The following MRPL4 variants were observed in gnomAD, a reference collection of about 807,000 sequenced individuals.
MRPL4 encodes the protein large ribosomal subunit protein uL4m.
Under a neutral mutation model 34.1 loss-of-function variants are expected in MRPL4, and 34 were observed. The observed-to-expected ratio is 1.00, with a 90% CI of 0.76 to 1.33. MRPL4 has a LOEUF of 1.33. Ranked by LOEUF, MRPL4 falls within the 40% of genes most tolerant of loss-of-function variation. The probability of loss-of-function intolerance (pLI) is 0.00; values close to 1 mark genes in which losing one functional copy is unlikely to be tolerated. For missense variants in MRPL4, 402 were observed against 434.6 expected (o/e 0.92, Z 0.67); for synonymous variants, 196 against 188.3 (o/e 1.04, Z -0.33).
In MRPL4 at chr19:10,258,455, G is replaced by T; in HGVS notation, c.595G>T (p.Asp199Tyr). ...IMDSLELPTGDPQYLTELAHY... is the reference protein window; with the variant it reads ...IMDSLELPTGYPQYLTELAHY... Reference sequence around the variant, plus strand: ...GGACTCCCTAGAGCTGCCCACCGGAGACCCACAGTACCTGACAGAGCTGGC... The same window carrying T: ...GGACTCCCTAGAGCTGCCCACCGGATACCCACAGTACCTGACAGAGCTGGC... The change falls in exon 7 of 9, where the codon GAC becomes TAC. Residue 199 changes from aspartate (D) to tyrosine (Y), a missense_variant. Transcript: ENST00000253099. 6.2e-7 allele frequency: 1 copy of T among 1,614,090 alleles called. No individual in the cohort carries two copies. The highest frequency in any genetic ancestry group is 8.5e-7 in the Non-Finnish European group (1 of 1,180,022).
chr19:10,256,694 C>T lies in MRPL4; in HGVS notation c.328-14C>T, dbSNP rs1267273945. On this transcript the variant is annotated splice_polypyrimidine_tract_variant and intron_variant, in intron 4 of 8. Coordinates refer to ENST00000253099, the MANE Select transcript of MRPL4 (RefSeq NM_015956.3). ...GCCTCGTGGACCTGACCCCCCTCCT[C>T]TTTGTGCCTCCAGAGCTATGCCAAG... 6.2e-7 allele frequency: 1 copy of T among 1,610,440 alleles called. No individual in the cohort carries two copies. Among genetic ancestry groups the T allele is most frequent in the South Asian group, 1.1e-5 (1 of 90,980 alleles).
Position 10,252,215 on chromosome 19 carries a change from G to T in MRPL4, c.-39G>T. On this transcript the variant is annotated 5_prime_UTR_variant, in exon 1 of 9. Transcript: ENST00000253099. ...TCCAGCGGCGCCTCGCGAGGCTCCA[G>T]TGGCCTTGACCTCCCGCGGCGTGGG... 1 of 1,558,512 alleles carries T rather than the reference G, an allele frequency of 6.4e-7. No homozygotes were observed. The highest frequency in any genetic ancestry group is 8.6e-7 in the Non-Finnish European group (1 of 1,156,574).
upstream of MRPL4, chr19:10,252,153 T>G: frequency 1.4e-6 from 2 of 1,382,436 alleles, no homozygotes; most frequent in Non-Finnish European, 1.9e-6. Context: ...CAGCGCGGAG[T>G]CGCGGCGGGT....
chr19:10,253,470 C>CAAAAAAAAA (rs571009042), intron 3 of MRPL4, among the ~76,000 whole-genome samples: 1 of 103,018 alleles, frequency 9.7e-6, no homozygotes. Flanking sequence ...CACTCTGTCT[C>CAAAAAAAAA]AAAAAAAAAA....
chr19:10,253,765 C>G (rs1042008998), intron 3 of MRPL4, among the ~76,000 whole-genome samples: 12 of 150,098 alleles, frequency 8.0e-5, no homozygotes, highest in Admixed American at 7.4e-4. Context: ...GCACTCCAGC[C>G]TGGGCGACAG....
At chr19:10,255,188 G>A (rs2039838250) in intron 4 of MRPL4, 1 of 152,496 alleles carries the variant, frequency 6.6e-6, no homozygotes, top group African/African-American at 2.4e-5. Flanking sequence ...GGACAAAACA[G>A]GCAAGGTCCG....
chr19:10,259,233 C>T, intron 8 of MRPL4: 1 of 1,323,552 alleles, frequency 7.6e-7, no homozygotes, highest in Admixed American at 3.7e-5. Context: ...CCCTCGCTGG[C>T]TTCCCCACCT....
intron 5 of MRPL4, 124 bp downstream of exon 5, chr19:10,256,949 A>G (rs2039858512): frequency 1.3e-6 from 1 of 758,492 alleles, no homozygotes; most frequent in Non-Finnish European, 2.0e-6. Context: ...CCTCCACCTC[A>G]TGGAACCACC....
At chr19:10,257,675 T>C (rs935894699) in intron 5 of MRPL4, among the ~76,000 whole-genome samples, 2 of 152,002 alleles carry the variant, frequency 1.3e-5, no homozygotes, top group Admixed American at 6.6e-5. Context: ...CACCGGAGCA[T>C]GTGCCTGATG....
At chr19:10,259,544 G>T in intron 8 of MRPL4, 73 bp from the exon 9 acceptor site, 1 of 1,537,454 alleles carries the variant, frequency 6.5e-7, no homozygotes. Flanking sequence ...AAGGGACTCC[G>T]ATGTGGGTGG....
intron 7 of MRPL4, 33 bp downstream of exon 7, chr19:10,258,555 C>G (rs1599254511): frequency 6.2e-7 from 1 of 1,614,048 alleles, no homozygotes; most frequent in Non-Finnish European, 8.5e-7. Context: ...GGGCAGGGGG[C>G]CCTGAGCTCC....
chr19:10,252,811 A>T lies in MRPL4; in HGVS notation c.275+110A>T, dbSNP rs1482099583. 3 of 1,398,812 alleles carry T rather than the reference A, an allele frequency of 2.1e-6. No individual in the cohort carries two copies. The African/African-American group carries it at 4.3e-5, about 20-fold the overall frequency. The allele number at this position is 1,398,812 out of a possible 1,614,324, so 86.7% of individuals were successfully genotyped here. A position where few individuals can be genotyped will look rare whatever the true frequency, so the allele number is the denominator to read the frequency against. ...CCTTGGGAAAGTGCTGTATTTCTAC[A>T]GCCTCCGTTTCTCCACCTGTCAAAG... On this transcript the variant is annotated intron_variant, in intron 3 of 8. Transcript: ENST00000253099.
At position 10,254,579 on chromosome 19, in the gene MRPL4, C is replaced by A; in HGVS notation, c.276-10C>A. 1 of 1,613,392 alleles carries A rather than the reference C, an allele frequency of 6.2e-7. No homozygotes were observed. Among genetic ancestry groups the A allele is most frequent in the Non-Finnish European group, 8.5e-7 (1 of 1,179,518 alleles). ...GAGTTGGGCTTCTCATGTGTCCTTC[C>A]TCCCCGCAGGCTGGACATACTGCAC... On this transcript the variant is annotated splice_polypyrimidine_tract_variant and intron_variant, in intron 3 of 8. Transcript: ENST00000253099.
chr19:10,259,519 A>G (rs897855545), intron 8 of MRPL4, 98 bp from the exon 9 acceptor site: 1 of 1,515,356 alleles, frequency 6.6e-7, no homozygotes, highest in Non-Finnish European at 8.8e-7. Context: ...CACAGTGACG[A>G]TCTCTGTAAG....
Position 10,252,267 on chromosome 19 carries a change from T to C in MRPL4, c.14T>C (p.Val5Ala). 6.2e-7 allele frequency: 1 copy of C among 1,607,914 alleles called. No individual in the cohort carries two copies. The highest frequency in any genetic ancestry group is 1.1e-5 in the South Asian group (1 of 90,916). The change falls in exon 1 of 9, where the codon GTC (valine) becomes GCC (alanine). Residue 5 changes from valine (V) to alanine (A), a missense_variant. Val to Ala is a moderately conservative substitution (Grantham distance 64). Transcript: ENST00000253099. The stretch of plus-strand genomic sequence containing the variant: ...GGCTGCGCGGCGATGCTGCAGTTCG[T>C]CCGGGCCGGGGCGCGGGCCTGGCTT... Reference protein sequence around the residue: MLQFVRAGARAWLRP... With the variant: MLQFARAGARAWLRP...
In MRPL4 at chr19:10,256,076, G is replaced by A. The variant is rs1480479809; in HGVS notation, c.328-632G>A. 4.6e-5 allele frequency among the ~76,000 whole-genome samples: 7 copies of A among 152,098 alleles called. No homozygotes were observed. In the East Asian group the frequency reaches 9.7e-4, roughly 21 times the overall value. On this transcript the variant is annotated intron_variant, in intron 4 of 8. Transcript: ENST00000253099. Reference sequence around the variant, plus strand: ...GCCGAGGCGGATGGATCACGAGGTCGGGAGATCGAGACCAGCCTGACCAAT... The same window carrying A: ...GCCGAGGCGGATGGATCACGAGGTCAGGAGATCGAGACCAGCCTGACCAAT...
Position 10,252,435 on chromosome 19 carries a change from C to T in MRPL4, c.96C>T (p.Thr32=). The change falls in exon 2 of 9, where the codon ACC becomes ACT. Residue 32 remains threonine, a synonymous_variant. Transcript: ENST00000253099. The part of the protein sequence containing the change: ...SSLAEEAARA[T]ENPEQVASEG... The stretch of plus-strand genomic sequence containing the variant: ...TGGCGGAAGAGGCAGCGCGTGCGAC[C>T]GAGAACCCGGAGCAGGTGGCGAGCG... 1.2e-6 allele frequency: 2 copies of T among 1,614,042 alleles called. No homozygotes were observed. Among genetic ancestry groups the T allele is most frequent in the Non-Finnish European group, 1.7e-6 (2 of 1,179,978 alleles).
At position 10,259,923 on chromosome 19, in the gene MRPL4, G is replaced by A. The variant is rs1040400168; in HGVS notation, c.*110G>A. On this transcript the variant is annotated 3_prime_UTR_variant, in exon 9 of 9. Transcript: ENST00000253099. ...ACCTGGACCCCTTCATTCCACGGAG[G>A]AAGCTGAGGCCACAGGGAGCGGCCA... 4 of 1,018,992 alleles carry A rather than the reference G, an allele frequency of 3.9e-6. No individual in the cohort carries two copies. The African/African-American group carries it at 6.6e-5, about 17-fold the overall frequency. The allele number at this position is 1,018,992 out of a possible 1,614,324, so 63.1% of individuals were successfully genotyped here.
intron 3 of MRPL4, among the ~76,000 whole-genome samples, chr19:10,253,801 AAC>A (rs1491439271): frequency 6.6e-6 from 1 of 151,824 alleles, no homozygotes; most frequent in East Asian, 1.9e-4. Flanking sequence ...CAAAAAAAAA[AAC>A]AGGTGAAATT....
Sources: gnomAD v4.1 joint callset for allele counts (sites outside exome capture counted in the v4.1 genomes callset) on GRCh38, gnomAD v4.1.1 for gene constraint, MANE v1.5 for transcripts, NCBI Gene and HGNC (gene_info 2026-07-23, HGNC 2026-07-21) for gene names.